HDAC8: variants seen among roughly 807,000 people sequenced by gnomAD.
HDAC8 encodes the protein histone deacetylase 8.
Under a neutral mutation model 32.2 loss-of-function variants are expected in HDAC8, and 1 was observed. That is an observed-to-expected ratio of 0.03 (90% CI 0.01 to 0.15). HDAC8 has a LOEUF of 0.15. Among genes scored for constraint, HDAC8 ranks in the 10% least tolerant of loss-of-function variants. HDAC8 has a pLI of 1.00. For synonymous variants in HDAC8, 108 were observed against 113.9 expected, an observed-to-expected ratio of 0.95 and a Z score of 0.33; for missense variants, 117 against 300.0, an observed-to-expected ratio of 0.39 and a Z score of 4.51.
intron 10 of HDAC8, among the ~76,000 whole-genome samples, chrX:72,333,501 C>G (rs1953204297): frequency 1.8e-5 from 2 of 110,798 alleles, no homozygotes; most frequent in Non-Finnish European, 3.8e-5. Flanking sequence ...CCAGCCTGAC[C>G]AACATGGTGA....
chrX:72,399,979 A>C (rs991735533), intron 9 of HDAC8, among the ~76,000 whole-genome samples: 1 of 111,600 alleles, frequency 9.0e-6, no homozygotes, highest in Non-Finnish European at 1.9e-5. Flanking sequence ...CCAATGGTCA[A>C]TTCTCAGTTC....
chrX:72,546,288 A>G (rs1322618005), intron 4 of HDAC8, among the ~76,000 whole-genome samples: 2 of 111,701 alleles, frequency 1.8e-5, no homozygotes, highest in Admixed American at 1.9e-4. Context: ...GCAGGGAAGC[A>G]GGACAGAGGG....
rs73218366 is a variant in HDAC8, at chrX:72,545,854, T to C, written c.437+22035A>G. Reference sequence around the variant, plus strand: ...CATGCCCCCCACAGGTAAGGAGGGGTTTCCCTTGGTGTTGAGGCAATGTTG... The same window carrying C: ...CATGCCCCCCACAGGTAAGGAGGGGCTTCCCTTGGTGTTGAGGCAATGTTG... On this transcript the variant is annotated intron_variant, in intron 4 of 10. Coordinates refer to ENST00000373573, the MANE Select transcript of HDAC8 (RefSeq NM_018486.3). 6.5e-3 allele frequency among the ~76,000 whole-genome samples: 723 copies of C among 110,989 alleles called. 6 individuals carry two copies. Among genetic ancestry groups the C allele is most frequent in the Non-Finnish European group, 0.012 (612 of 52,878 alleles).
At chrX:72,451,337 C>T (rs1199560637) in intron 9 of HDAC8, among the ~76,000 whole-genome samples, 1 of 111,259 alleles carries the variant, frequency 9.0e-6, no homozygotes, top group African/African-American at 3.3e-5. Flanking sequence ...GCTGGGATTA[C>T]AGGCATGTGC....
intron 9 of HDAC8, among the ~76,000 whole-genome samples, chrX:72,401,666 ATCT>A (rs2045905429): frequency 8.9e-6 from 1 of 112,448 alleles, no homozygotes; most frequent in African/African-American, 3.2e-5. Context: ...CCATTTGTAT[ATCT>A]TCTTTGGAGA....
intron 10 of HDAC8, among the ~76,000 whole-genome samples, chrX:72,338,649 A>ATG (rs1478637492): frequency 1.0e-5 from 1 of 95,675 alleles, no homozygotes; most frequent in Non-Finnish European, 2.1e-5. Context: ...TGATATATAT[A>ATG]TATATATTTA....
At chrX:72,486,566 A>T (rs571431193) in intron 7 of HDAC8, among the ~76,000 whole-genome samples, 1 of 111,495 alleles carries the variant, frequency 9.0e-6, no homozygotes, top group Non-Finnish European at 1.9e-5. Context: ...TGCCCCAGCT[A>T]CTTGGGAAGC....
At chrX:72,468,146 C>A in intron 7 of HDAC8, 1 of 706,383 alleles carries the variant, frequency 1.4e-6, no homozygotes, top group Non-Finnish European at 2.0e-6. Flanking sequence ...AAATTCAAGA[C>A]TGGAAGTTTT....
intron 9 of HDAC8, among the ~76,000 whole-genome samples, chrX:72,405,715 T>C (rs1843007617): frequency 8.9e-6 from 1 of 112,581 alleles, no homozygotes; most frequent in African/African-American, 3.2e-5. Flanking sequence ...TCTTTTTCTG[T>C]CCTCCATGTC....
chrX:72,518,392 A>C (rs1397758179), intron 4 of HDAC8, among the ~76,000 whole-genome samples: 2 of 111,552 alleles, frequency 1.8e-5, no homozygotes, highest in Non-Finnish European at 3.8e-5. Context: ...GTCTTTTTCT[A>C]TCTGTCTTCT....
chrX:72,571,711 C>G (rs2052082412), intron 2 of HDAC8, among the ~76,000 whole-genome samples: 1 of 108,224 alleles, frequency 9.2e-6, no homozygotes, highest in African/African-American at 3.4e-5. Flanking sequence ...GGATTACAGG[C>G]GCCCGCTACC....
chrX:72,348,082 A>G (rs1214369107), intron 10 of HDAC8, among the ~76,000 whole-genome samples: 1 of 112,259 alleles, frequency 8.9e-6, no homozygotes, highest in Non-Finnish European at 1.9e-5. Context: ...TTGGTTTCCA[A>G]TAGGCTACAG....
Position 72,446,719 on chromosome X carries a change from G to T in HDAC8, c.1005+15285C>A, listed in dbSNP as rs137934945. On this transcript the variant is annotated intron_variant, in intron 9 of 10. Coordinates refer to ENST00000373573, the MANE Select transcript of HDAC8 (RefSeq NM_018486.3). Reference sequence around the variant, plus strand: ...GACTAATAAAGAGGAAAAGAGAGGAGAATCAAATAGACACAATAAAAAATG... The same window carrying T: ...GACTAATAAAGAGGAAAAGAGAGGATAATCAAATAGACACAATAAAAAATG... Among the ~76,000 whole-genome samples, 292 of 109,444 alleles carry T rather than the reference G, an allele frequency of 2.7e-3. 2 individuals carry two copies. Among genetic ancestry groups the T allele is most frequent in the African/African-American group, 9.2e-3 (277 of 30,087 alleles).
intron 4 of HDAC8, among the ~76,000 whole-genome samples, chrX:72,562,264 A>ATGC (rs2051592467): frequency 1.8e-5 from 2 of 112,633 alleles, no homozygotes; most frequent in South Asian, 7.4e-4. Flanking sequence ...GCAAATGCAA[A>ATGC]AATATGGAAC....
At chrX:72,336,254 G>T (rs1428878310) in intron 10 of HDAC8, among the ~76,000 whole-genome samples, 1 of 111,427 alleles carries the variant, frequency 9.0e-6, no homozygotes, top group East Asian at 2.8e-4. Flanking sequence ...ATTTTAATTT[G>T]CAATTCCTTA....
chrX:72,339,651 T>C (rs1219662607), intron 10 of HDAC8, among the ~76,000 whole-genome samples: 2 of 111,944 alleles, frequency 1.8e-5, no homozygotes, highest in African/African-American at 6.5e-5. Context: ...GCCAGGGCCT[T>C]ATCTGAGAGG....
chrX:72,356,440 C>G (rs2044364054), intron 9 of HDAC8, among the ~76,000 whole-genome samples: 1 of 112,215 alleles, frequency 8.9e-6, no homozygotes, highest in African/African-American at 3.2e-5. Flanking sequence ...TTGGCTTTAT[C>G]CCCGACTAGA....
At chrX:72,530,613 G>A (rs1423671339) in intron 4 of HDAC8, among the ~76,000 whole-genome samples, 2 of 110,856 alleles carry the variant, frequency 1.8e-5, no homozygotes, top group East Asian at 5.6e-4. Flanking sequence ...CCTTGAGAAC[G>A]CTGAGCAGGA....
At chrX:72,502,940 A>C (rs2049273744) in intron 4 of HDAC8, among the ~76,000 whole-genome samples, 1 of 111,314 alleles carries the variant, frequency 9.0e-6, no homozygotes, top group African/African-American at 3.3e-5. Flanking sequence ...AAAATAAATA[A>C]ATAAAAGATA....
Sources: allele counts gnomAD v4.1 joint callset (sites outside exome capture counted in the v4.1 genomes callset), GRCh38; gene constraint gnomAD v4.1.1; transcripts MANE v1.5; gene names NCBI Gene and HGNC (gene_info 2026-07-23, HGNC 2026-07-21).